The following LPA variants were observed in gnomAD, a reference collection of about 807,000 sequenced individuals.
The protein encoded by LPA is lipoprotein(a).
Under a neutral mutation model 197.9 loss-of-function variants are expected in LPA, and 199 were observed. That is an observed-to-expected ratio of 1.01 (90% CI 0.90 to 1.13). LPA has a LOEUF of 1.13. LPA is among the 50% of genes most tolerant of loss of function. The probability of loss-of-function intolerance (pLI) is 0.00; values close to 1 mark genes in which losing one functional copy is unlikely to be tolerated. For missense variants in LPA, 1,853 were observed against 1,785.8 expected (o/e 1.04, Z -0.68); for synonymous variants, 715 against 639.5 (o/e 1.12, Z -1.78).
intron 1 of LPA, among the ~76,000 whole-genome samples, chr6:160,652,836 T>A (rs914562895): frequency 1.3e-5 from 2 of 152,068 alleles, no homozygotes; most frequent in Non-Finnish European, 2.9e-5. Flanking sequence ...AATTCTGTCA[T>A]TTGAAGGTGG....
intron 30 of LPA, 58 bp downstream of exon 30, chr6:160,555,967 T>C: frequency 7.9e-7 from 1 of 1,260,434 alleles, no homozygotes; most frequent in Non-Finnish European, 1.2e-6. Context: ...AGCAAGGCTC[T>C]TCTAGGAGGA....
intron 16 of LPA, among the ~76,000 whole-genome samples, chr6:160,608,282 G>T (rs949536036): frequency 1.3e-5 from 2 of 151,930 alleles, no homozygotes; most frequent in South Asian, 2.1e-4. Flanking sequence ...TACAGTTTCC[G>T]GTTTCTTTGT....
At chr6:160,634,459 G>A (rs566198143) in intron 7 of LPA, among the ~76,000 whole-genome samples, 1,477 of 128,198 alleles carry the variant, frequency 0.012, 22 homozygotes, top group Non-Finnish European at 0.017. Flanking sequence ...TCTTCCCTTG[G>A]AGGAGGGAGG....
At chr6:160,577,878 G>A (rs1778714015) in intron 27 of LPA, among the ~76,000 whole-genome samples, 2 of 152,142 alleles carry the variant, frequency 1.3e-5, no homozygotes, top group South Asian at 2.1e-4. Context: ...TTGTAACAAA[G>A]CAGAATTCTC....
chr6:160,555,860 C>T (rs1778254075), intron 30 of LPA, among the ~76,000 whole-genome samples, 165 bp downstream of exon 30: 1 of 152,122 alleles, frequency 6.6e-6, no homozygotes, highest in Non-Finnish European at 1.5e-5. Flanking sequence ...CCTAAAATAC[C>T]TATTCTCTCA....
At position 160,586,473 on chromosome 6, in the gene LPA, T is replaced by G; in HGVS notation, c.4105A>C (p.Ser1369Arg). 1 of 1,613,622 alleles carries G rather than the reference T, an allele frequency of 6.2e-7. No individual in the cohort carries two copies. Among genetic ancestry groups the G allele is most frequent in the South Asian group, 1.1e-5 (1 of 91,078 alleles). Residue 1369 changes from serine to arginine, a missense_variant, in exon 25 of 39, where the codon AGC (serine) becomes CGC (arginine). By Grantham distance (110) the Ser-to-Arg change is moderately radical. This residue lies in a region of LPA where 1,737 missense variants were observed against 1,504.4 expected (regional missense o/e 1.15). Coordinates refer to ENST00000316300, the MANE Select transcript of LPA (RefSeq NM_005577.4). ...CCTTCTTCAGAAGGAAGCTCTGTGCTTGGAACTGGGACCACCGTGGGAGTT... is the reference window on the plus strand; with the variant it reads ...CCTTCTTCAGAAGGAAGCTCTGTGCGTGGAACTGGGACCACCGTGGGAGTT... ...LTTPTVVPVPSTELPSEEAPT... is the reference protein window; with the variant it reads ...LTTPTVVPVPRTELPSEEAPT...
At chr6:160,535,264 GTGA>G (rs1177876867) in intron 37 of LPA, among the ~76,000 whole-genome samples, 1 of 148,736 alleles carries the variant, frequency 6.7e-6, no homozygotes, top group Non-Finnish European at 1.5e-5. Flanking sequence ...AATGGCAGTG[GTGA>G]TGATGGTGGT....
chr6:160,534,995 GTGATAATGGTGATGGTAA>G (rs1490997695), intron 37 of LPA, among the ~76,000 whole-genome samples: 1 of 149,358 alleles, frequency 6.7e-6, no homozygotes, highest in East Asian at 2.0e-4. Context: ...GATGATGGTG[GTGATAATGGTGATGGTAA>G]TGATAATGGT....
At chr6:160,564,152 T>G (rs1380462964) in intron 28 of LPA, among the ~76,000 whole-genome samples, 1 of 152,160 alleles carries the variant, frequency 6.6e-6, no homozygotes, top group East Asian at 1.9e-4. Context: ...GCAGTTTCTT[T>G]ATAGTGTTGA....
rs149850321 is a variant in LPA at position 160,559,419 on chromosome 6, G to A, written c.4632-1848C>T. 1.7e-3 allele frequency among the ~76,000 whole-genome samples: 260 copies of A among 152,212 alleles called. 3 individuals carry two copies. Among genetic ancestry groups the A allele is most frequent in the South Asian group, 0.012 (57 of 4,814 alleles). On this transcript the variant is annotated intron_variant, in intron 28 of 38. Transcript: ENST00000316300. ...ATTATTTTTTCATTTTGTTATTGAT[G>A]AACATTGAAATTATTTTTACAGTTT...
At chr6:160,558,585 A>T (rs987474419) in intron 28 of LPA, among the ~76,000 whole-genome samples, 1 of 152,162 alleles carries the variant, frequency 6.6e-6, no homozygotes, top group Non-Finnish European at 1.5e-5. Flanking sequence ...CTCTCAGTCC[A>T]TCCTCTGCTA....
chr6:160,555,475 G>GTA (rs1359040845), intron 30 of LPA, among the ~76,000 whole-genome samples: 3 of 135,422 alleles, frequency 2.2e-5, no homozygotes, highest in Admixed American at 1.5e-4. Context: ...ATATATATAT[G>GTA]TATATATATA....
At chr6:160,592,959 C>T (rs961583417) in intron 22 of LPA, among the ~76,000 whole-genome samples, 2 of 152,138 alleles carry the variant, frequency 1.3e-5, no homozygotes, top group Non-Finnish European at 2.9e-5. Flanking sequence ...TTGTTCTTTC[C>T]CCAGTAGCTT....
chr6:160,590,053 C>T (rs369721895), intron 23 of LPA, among the ~76,000 whole-genome samples: 8 of 152,158 alleles, frequency 5.3e-5, no homozygotes, highest in East Asian at 1.9e-4. Flanking sequence ...ATGCATCAGG[C>T]GGTGCAGGCT....
chr6:160,663,212 G>A (rs1291494930), intron 1 of LPA, among the ~76,000 whole-genome samples: 3 of 152,180 alleles, frequency 2.0e-5, no homozygotes, highest in Non-Finnish European at 2.9e-5. Context: ...TTCTTAATTG[G>A]ATTCTGCAAG....
chr6:160,554,641 C>T (rs564129279), intron 30 of LPA, among the ~76,000 whole-genome samples: 110 of 152,214 alleles, frequency 7.2e-4, no homozygotes, highest in African/African-American at 2.5e-3. Flanking sequence ...TGAGCTCTGG[C>T]GTCACCATTG....
chr6:160,534,761 A>G (rs1217248494), intron 37 of LPA, among the ~76,000 whole-genome samples: 1 of 152,200 alleles, frequency 6.6e-6, no homozygotes, highest in Non-Finnish European at 1.5e-5. Flanking sequence ...GGGTGAGACC[A>G]GAGGAGACTG....
chr6:160,556,144 A>G lies in LPA; in HGVS notation c.4854T>C (p.His1618=). The G allele has an allele frequency of 3.1e-6, 5 of 1,614,020 alleles. No homozygotes were observed. The highest frequency in any genetic ancestry group is 2.7e-5 in the African/African-American group (2 of 75,038). Residue 1618 remains histidine (H), a synonymous_variant, in exon 30 of 39, where the codon CAT becomes CAC. Transcript: ENST00000316300. ...TGCCTCGATAACTCTGGCCATTACCATGGTAGCACTGCCGGACCACAGGGG... is the reference window on the plus strand; with the variant it reads ...TGCCTCGATAACTCTGGCCATTACCGTGGTAGCACTGCCGGACCACAGGGG... ...EQTPVVRQCY[H]GNGQSYRGTF...
chr6:160,650,602 A>T, intron 1 of LPA, 105 bp from the exon 2 acceptor site: 1 of 1,122,230 alleles, frequency 8.9e-7, no homozygotes, highest in Non-Finnish European at 1.4e-6. Flanking sequence ...AATTACGACC[A>T]TTCTCTTCTC....
Sources: gnomAD v4.1 joint callset for allele counts (sites outside exome capture counted in the v4.1 genomes callset) on GRCh38, gnomAD v4.1.1 for gene constraint, gnomAD v4.1.1 regional missense constraint, MANE v1.5 for transcripts, NCBI Gene and HGNC (gene_info 2026-07-23, HGNC 2026-07-21) for gene names.